The following COL25A1 variants were observed in gnomAD, a reference collection of about 807,000 sequenced individuals.
COL25A1 encodes collagen alpha-1(XXV) chain.
In COL25A1, 103 loss-of-function variants were observed where a neutral mutation model predicts 128.4. That is an observed-to-expected ratio of 0.80 (90% CI 0.68 to 0.94). COL25A1 has a LOEUF of 0.94. Among genes scored for constraint, COL25A1 ranks in the 40% least tolerant of loss-of-function variants. COL25A1 has a pLI of 0.00. For synonymous variants in COL25A1, 279 were observed against 277.2 expected (o/e 1.01, Z -0.06); for missense variants, 745 against 840.0 (o/e 0.89, Z 1.40).
At chr4:108,829,446 C>CTG (rs148164820) in intron 32 of COL25A1, among the ~76,000 whole-genome samples, 128 of 150,552 alleles carry the variant, frequency 8.5e-4, no homozygotes, top group Middle Eastern at 3.4e-3. Context: ...ATCTATCTAT[C>CTG]TGTGTGTGTG....
intron 3 of COL25A1, among the ~76,000 whole-genome samples, chr4:109,175,677 C>A (rs189352012): frequency 3.9e-5 from 6 of 152,010 alleles, no homozygotes; most frequent in Admixed American, 2.0e-4. Context: ...AATTGTTCAG[C>A]GAATAAAATA....
chr4:109,176,514 A>G (rs1774116480), intron 3 of COL25A1, among the ~76,000 whole-genome samples: 1 of 152,170 alleles, frequency 6.6e-6, no homozygotes, highest in Admixed American at 6.5e-5. Context: ...GATTAGGGTG[A>G]AAAGAAAAAG....
chr4:108,914,030 T>A (rs1162216660), intron 13 of COL25A1, among the ~76,000 whole-genome samples: 1 of 152,232 alleles, frequency 6.6e-6, no homozygotes, highest in Non-Finnish European at 1.5e-5. Flanking sequence ...ATTACATTAT[T>A]TTTGTGTTCA....
intron 3 of COL25A1, among the ~76,000 whole-genome samples, chr4:109,099,081 T>C (rs570280159): frequency 6.6e-6 from 1 of 152,350 alleles, no homozygotes; most frequent in African/African-American, 2.4e-5. Flanking sequence ...AGCTCTACTA[T>C]TATTTTACAC....
intron 3 of COL25A1, among the ~76,000 whole-genome samples, chr4:109,211,030 G>A (rs375584088): frequency 3.3e-5 from 5 of 151,864 alleles, no homozygotes; most frequent in Admixed American, 6.6e-5. Context: ...GAGAGTGAAC[G>A]GAGAGGAGGG....
At chr4:109,014,531 T>C (rs1757027119) in intron 5 of COL25A1, among the ~76,000 whole-genome samples, 1 of 152,242 alleles carries the variant, frequency 6.6e-6, no homozygotes, top group South Asian at 2.1e-4. Flanking sequence ...TTCCTGCCAT[T>C]ATACTGACCA....
chr4:109,137,348 A>T lies in COL25A1; in HGVS notation c.368-87169T>A, dbSNP rs146257585. 3.9e-5 allele frequency among the ~76,000 whole-genome samples: 6 copies of T among 152,346 alleles called. No individual in the cohort carries two copies. The East Asian group carries it at 9.6e-4, about 24-fold the overall frequency. On this transcript the variant is annotated intron_variant, in intron 3 of 37. Transcript: ENST00000399132. ...TAAGCAAACAACACTTTCTGCTACA[A>T]AATTCTAGTTCTAAAGTTCAATATC...
At chr4:108,986,065 TC>T (rs1462240823) in intron 6 of COL25A1, among the ~76,000 whole-genome samples, 1 of 152,216 alleles carries the variant, frequency 6.6e-6, no homozygotes, top group East Asian at 1.9e-4. Context: ...TATTGCCAAG[TC>T]CTATAGATTT....
intron 3 of COL25A1, among the ~76,000 whole-genome samples, chr4:109,208,435 G>A (rs1339236116): frequency 6.7e-6 from 1 of 148,702 alleles, no homozygotes; most frequent in Admixed American, 6.7e-5. Context: ...AGAATGTGGA[G>A]AACCCTGAAG....
intron 8 of COL25A1, among the ~76,000 whole-genome samples, chr4:108,969,575 T>C (rs10024281): frequency 0.021 from 3,267 of 152,288 alleles, 101 homozygotes; most frequent in African/African-American, 0.074. Flanking sequence ...GTCCGTATTT[T>C]GGTGACCACT....
chr4:109,193,462 T>A (rs1230995335), intron 3 of COL25A1, among the ~76,000 whole-genome samples: 1 of 152,122 alleles, frequency 6.6e-6, no homozygotes, highest in African/African-American at 2.4e-5. Context: ...GGCAAGGTTA[T>A]TCAGGAAGAT....
intron 3 of COL25A1, among the ~76,000 whole-genome samples, chr4:109,070,258 A>G (rs2125981488): frequency 6.6e-6 from 1 of 152,100 alleles, no homozygotes; most frequent in East Asian, 1.9e-4. Context: ...AAAAAACAAA[A>G]AAAAAACCCT....
rs56845799 is a variant in COL25A1 at position 109,006,378 on chromosome 4, A to ATTTTT, written c.438+3975_438+3979dup. Among the ~76,000 whole-genome samples the ATTTTT allele has an allele frequency of 2.2e-3, 114 of 51,866 alleles. 3 individuals carry two copies. Among genetic ancestry groups the ATTTTT allele is most frequent in the African/African-American group, 4.7e-3 (60 of 12,764 alleles). The allele number at this position is 51,866 out of a possible 152,430, so 34.0% of individuals were successfully genotyped here. A position where few individuals can be genotyped will look rare whatever the true frequency, so the allele number is the denominator to read the frequency against. On this transcript the variant is annotated intron_variant, in intron 6 of 37. Coordinates refer to ENST00000399132, the MANE Select transcript of COL25A1 (RefSeq NM_198721.4). ...AGGTGTGCACTGCCACACCCAGCTA[A>ATTTTT]TTTTTTTTTTTTTTTTTTTTTTTTT... is the stretch of plus-strand genomic sequence containing the variant.
chr4:109,161,559 T>A (rs557040156), intron 3 of COL25A1, among the ~76,000 whole-genome samples: 1 of 152,312 alleles, frequency 6.6e-6, no homozygotes, highest in South Asian at 2.1e-4. Context: ...AGGAAAGAGA[T>A]AAGGGAATTT....
intron 3 of COL25A1, among the ~76,000 whole-genome samples, chr4:109,133,164 T>C (rs1040573604): frequency 2.9e-4 from 44 of 152,236 alleles, no homozygotes; most frequent in African/African-American, 1.0e-3. Context: ...AATTATTTTC[T>C]TACTTGACAT....
Position 109,182,590 on chromosome 4 carries a change from C to T in COL25A1, c.367+117993G>A, listed in dbSNP as rs1443238666. The stretch of plus-strand genomic sequence containing the variant: ...GTGAATAGGTACTCTTGACATCTCA[C>T]ATCTGTTCCAACAGAGTACTAAAGA... On this transcript the variant is annotated intron_variant, in intron 3 of 37. Coordinates refer to ENST00000399132, the MANE Select transcript of COL25A1 (RefSeq NM_198721.4). Among the ~76,000 whole-genome samples the T allele has an allele frequency of 4.6e-5, 7 of 152,128 alleles. No individual in the cohort carries two copies. The South Asian group carries it at 1.4e-3, about 31-fold the overall frequency.
At chr4:108,860,817 CTATTAT>C (rs1367647694) in intron 23 of COL25A1, 104 bp downstream of exon 23, 1 of 923,024 alleles carries the variant, frequency 1.1e-6, no homozygotes, top group Non-Finnish European at 1.7e-6. Flanking sequence ...ACCTCCAATA[CTATTAT>C]TAAGTATTAT....
chr4:109,081,410 G>T (rs1436963720), intron 3 of COL25A1, among the ~76,000 whole-genome samples: 1 of 152,126 alleles, frequency 6.6e-6, no homozygotes, highest in South Asian at 2.1e-4. Context: ...CATTAGTAAT[G>T]AACCCAAACT....
chr4:109,125,960 T>C (rs148769828), intron 3 of COL25A1, among the ~76,000 whole-genome samples: 147 of 152,268 alleles, frequency 9.7e-4, no homozygotes, highest in African/African-American at 3.3e-3. Context: ...AACTAAAAGG[T>C]GGGAAGAGAT....
Sources: allele counts gnomAD v4.1 joint callset (sites outside exome capture counted in the v4.1 genomes callset), GRCh38; gene constraint gnomAD v4.1.1; transcripts MANE v1.5; gene names NCBI Gene and HGNC (gene_info 2026-07-23, HGNC 2026-07-21).